KIF18A: variants seen among roughly 807,000 people sequenced by gnomAD.
KIF18A encodes the protein kinesin family member 18A, also known as kinesin-like protein KIF18A.
Under a neutral mutation model 103.3 loss-of-function variants are expected in KIF18A, and 67 were observed. That is an observed-to-expected ratio of 0.65 (90% confidence interval 0.53 to 0.79). The LOEUF (loss-of-function observed/expected upper bound fraction) is 0.79, where lower values mean the gene tolerates loss of function less well. Ranked by LOEUF, KIF18A falls within the 30% of genes least tolerant of loss-of-function variation. The pLI is 0.00. For missense variants in KIF18A, 1,032 were observed against 1,062.5 expected (o/e 0.97, Z 0.40); for synonymous variants, 367 against 355.5 (o/e 1.03, Z -0.36).
At chr11:28,072,202 C>T (rs949013136) in intron 10 of KIF18A, among the ~76,000 whole-genome samples, 4 of 152,130 alleles carry the variant, frequency 2.6e-5, no homozygotes, top group Non-Finnish European at 4.4e-5. Context: ...TTAACAAAAT[C>T]CCCTGCACAC....
intron 11 of KIF18A, among the ~76,000 whole-genome samples, chr11:28,063,806 T>C (rs1193345195): frequency 1.3e-5 from 2 of 151,976 alleles, no homozygotes; most frequent in African/African-American, 2.4e-5. Context: ...TCATAATCCA[T>C]CTTAGCTTTA....
chr11:28,084,568 T>C, intron 7 of KIF18A, 64 bp downstream of exon 7: 1 of 1,314,118 alleles, frequency 7.6e-7, no homozygotes, highest in Non-Finnish European at 1.1e-6. Flanking sequence ...AATACTTTCA[T>C]TACAATTATA....
intron 1 of KIF18A, among the ~76,000 whole-genome samples, chr11:28,098,236 C>A (rs377088416): frequency 6.6e-4 from 100 of 152,158 alleles, no homozygotes; most frequent in African/African-American, 2.2e-3. Context: ...TACGTACACA[C>A]AACTACGATA....
At chr11:28,087,776 C>T (rs879596661) in intron 6 of KIF18A, among the ~76,000 whole-genome samples, 11 of 152,080 alleles carry the variant, frequency 7.2e-5, no homozygotes, top group Non-Finnish European at 1.2e-4. Flanking sequence ...TAATGATCGC[C>T]ATTCTAACTG....
At chr11:28,076,568 C>T (rs1851093101) in intron 10 of KIF18A, 1 of 152,184 alleles carries the variant, frequency 6.6e-6, no homozygotes, top group Non-Finnish European at 1.5e-5. Context: ...GCTACATTTT[C>T]TCCAACATTT....
intron 3 of KIF18A, among the ~76,000 whole-genome samples, chr11:28,092,488 A>G (rs1851319599): frequency 6.6e-6 from 1 of 152,190 alleles, no homozygotes; most frequent in Admixed American, 6.5e-5. Flanking sequence ...CTACTGCATC[A>G]TACTGAATAC....
intron 10 of KIF18A, among the ~76,000 whole-genome samples, chr11:28,070,867 C>T (rs548929255): frequency 1.2e-4 from 19 of 152,238 alleles, no homozygotes; most frequent in Non-Finnish European, 2.5e-4. Flanking sequence ...ATAGAGAGAC[C>T]GTGTCTCCAC....
intron 2 of KIF18A, 61 bp from the exon 3 acceptor site, chr11:28,094,861 C>T: frequency 1.4e-6 from 2 of 1,465,590 alleles, no homozygotes; most frequent in Non-Finnish European, 1.9e-6. Context: ...ATTATATCTA[C>T]TATCTAGTGG....
At chr11:28,038,024 C>T (rs1850516287) in intron 13 of KIF18A, among the ~76,000 whole-genome samples, 1 of 151,344 alleles carries the variant, frequency 6.6e-6, no homozygotes, top group African/African-American at 2.4e-5. Flanking sequence ...TACCTTTTCC[C>T]TTGCATTTTC....
At chr11:28,080,836 A>G (rs1851156662) in intron 9 of KIF18A, among the ~76,000 whole-genome samples, 5 of 152,230 alleles carry the variant, frequency 3.3e-5, no homozygotes. Flanking sequence ...TCTCTTGCAC[A>G]AAACATTTAG....
At chr11:28,089,671 C>A (rs540408265) in intron 5 of KIF18A, among the ~76,000 whole-genome samples, 1 of 152,084 alleles carries the variant, frequency 6.6e-6, no homozygotes, top group Non-Finnish European at 1.5e-5. Flanking sequence ...ACTGAAATGT[C>A]GTTATGCGGC....
intron 15 of KIF18A, among the ~76,000 whole-genome samples, chr11:28,032,890 G>A (rs1347562147): frequency 6.6e-6 from 1 of 151,708 alleles, no homozygotes; most frequent in Non-Finnish European, 1.5e-5. Context: ...AAAAGCTTCT[G>A]TAAAGCAAAG....
intron 13 of KIF18A, among the ~76,000 whole-genome samples, chr11:28,046,463 G>A (rs1335980541): frequency 1.1e-4 from 16 of 141,496 alleles, no homozygotes; most frequent in African/African-American, 2.1e-4. Flanking sequence ...ACCAAACACC[G>A]CATATTCTCA....
At chr11:28,037,279 G>A (rs1590667224) in intron 13 of KIF18A, among the ~76,000 whole-genome samples, 1 of 151,514 alleles carries the variant, frequency 6.6e-6, no homozygotes, top group Non-Finnish European at 1.5e-5. Flanking sequence ...CTGTTACAGT[G>A]TCAGGTATAC....
intron 4 of KIF18A, among the ~76,000 whole-genome samples, chr11:28,091,145 AATAAATAC>A (rs1554974414): frequency 0.032 from 3,232 of 101,340 alleles, 104 homozygotes; most frequent in African/African-American, 0.081. Context: ...TAAATAAATA[AATAAATAC>A]ATACATACAT....
At chr11:28,063,048 C>T (rs1479575411) in intron 11 of KIF18A, among the ~76,000 whole-genome samples, 1 of 152,006 alleles carries the variant, frequency 6.6e-6, no homozygotes, top group Non-Finnish European at 1.5e-5. Flanking sequence ...TGTACAAAGT[C>T]TTGAGTTGTG....
At chr11:28,022,558 C>T (rs1054888838) in intron 16 of KIF18A, among the ~76,000 whole-genome samples, 2 of 152,122 alleles carry the variant, frequency 1.3e-5, no homozygotes, top group Non-Finnish European at 2.9e-5. Flanking sequence ...TGAGCCACGG[C>T]GCCCGGCCAA....
At chr11:28,038,658 A>G (rs929681034) in intron 13 of KIF18A, among the ~76,000 whole-genome samples, 1 of 151,682 alleles carries the variant, frequency 6.6e-6, no homozygotes, top group Admixed American at 6.6e-5. Flanking sequence ...CACTATTCTT[A>G]TTATATTAGT....
At chr11:28,089,056 C>A (rs896291394) in intron 5 of KIF18A, among the ~76,000 whole-genome samples, 4 of 152,082 alleles carry the variant, frequency 2.6e-5, no homozygotes, top group African/African-American at 4.8e-5. Context: ...ATAGAAATAA[C>A]GTTCCTAAGA....
Sources: gnomAD v4.1 joint callset for allele counts (sites outside exome capture counted in the v4.1 genomes callset) on GRCh38, gnomAD v4.1.1 for gene constraint, MANE v1.5 for transcripts, NCBI Gene and HGNC (gene_info 2026-07-23, HGNC 2026-07-21) for gene names.